DOCK10: variants seen among roughly 807,000 people sequenced by gnomAD.
DOCK10 encodes dedicator of cytokinesis protein 10.
In DOCK10, 145 loss-of-function variants were observed where a neutral mutation model predicts 280.1. The observed-to-expected ratio is 0.52, with a 90% CI of 0.45 to 0.59. The LOEUF is 0.59. Among genes scored for constraint, DOCK10 ranks in the 20% least tolerant of loss-of-function variants. The pLI is 0.00. For missense variants in DOCK10, 2,368 were observed against 2,651.7 expected (o/e 0.89, Z 2.35); for synonymous variants, 915 against 942.2 (o/e 0.97, Z 0.53).
At position 224,796,344 on chromosome 2, in the gene DOCK10, T is replaced by C. The variant is rs773097928; in HGVS notation, c.4910A>G (p.Asn1637Ser). The C allele has an allele frequency of 1.3e-6, 2 of 1,568,166 alleles. No homozygotes were observed. Among genetic ancestry groups the C allele is most frequent in the Non-Finnish European group, 1.7e-6 (2 of 1,155,168 alleles). Reference sequence around the variant, plus strand: ...CATTTGCTTATCTCCATTGGCGAAATTATTGGTAATTGCAAGCGAATGTTG... The same window carrying C: ...CATTTGCTTATCTCCATTGGCGAAACTATTGGTAATTGCAAGCGAATGTTG... ...RFQHSLAITN[N>S]FANGDKQMKN... The change falls in exon 44 of 56, where the codon AAT becomes AGT. Residue 1637 changes from asparagine to serine, a missense_variant. Transcript: ENST00000258390.
intron 3 of DOCK10, among the ~76,000 whole-genome samples, chr2:224,899,420 C>T (rs1700167732): frequency 6.6e-6 from 1 of 152,040 alleles, no homozygotes; most frequent in African/African-American, 2.4e-5. Flanking sequence ...TAGCAGTTAA[C>T]AAAAAACAAA....
intron 1 of DOCK10, among the ~76,000 whole-genome samples, chr2:225,006,273 T>C (rs1689245764): frequency 6.6e-6 from 1 of 152,224 alleles, no homozygotes; most frequent in Non-Finnish European, 1.5e-5. Flanking sequence ...ATTCTTGTCT[T>C]TTTTAGATTA....
At chr2:224,806,945 G>A (rs1693431512) in intron 33 of DOCK10, among the ~76,000 whole-genome samples, 1 of 151,994 alleles carries the variant, frequency 6.6e-6, no homozygotes, top group African/African-American at 2.4e-5. Flanking sequence ...TGCTTGCCAG[G>A]CTCTAAAATA....
intron 1 of DOCK10, among the ~76,000 whole-genome samples, chr2:225,000,479 G>C (rs1706402461): frequency 2.0e-5 from 3 of 152,196 alleles, no homozygotes; most frequent in African/African-American, 7.2e-5. Flanking sequence ...ATTGTTTTGA[G>C]CATTTCCTGT....
intron 2 of DOCK10, among the ~76,000 whole-genome samples, chr2:224,923,486 C>T (rs927984975): frequency 2.6e-5 from 4 of 152,194 alleles, no homozygotes; most frequent in Admixed American, 1.3e-4. Context: ...AATATAAAGA[C>T]ACCTACTGCA....
intron 39 of DOCK10, among the ~76,000 whole-genome samples, chr2:224,802,643 A>C (rs1346156717): frequency 2.0e-5 from 3 of 152,146 alleles, no homozygotes; most frequent in African/African-American, 7.2e-5. Context: ...TCAACACCCC[A>C]TAGCATTTCC....
chr2:224,844,865 C>A, intron 21 of DOCK10, 26 bp from the exon 22 acceptor site: 1 of 1,485,764 alleles, frequency 6.7e-7, no homozygotes, highest in Non-Finnish European at 9.3e-7. Flanking sequence ...TGTTTACTGT[C>A]ACTGGGACAA....
At chr2:224,969,174 TCAAATGGGGGTAC>T (rs1045992880) in intron 1 of DOCK10, among the ~76,000 whole-genome samples, 2 of 152,140 alleles carry the variant, frequency 1.3e-5, no homozygotes, top group African/African-American at 2.4e-5. Context: ...AGCAGTCCTC[TCAAATGGGGGTAC>T]CAGATTTCTC....
chr2:224,978,691 C>T (rs1012166532), intron 1 of DOCK10, among the ~76,000 whole-genome samples: 1 of 152,150 alleles, frequency 6.6e-6, no homozygotes, highest in Admixed American at 6.5e-5. Flanking sequence ...AGAGAAAGAT[C>T]ATTTATCAAT....
At chr2:225,022,707 G>A (rs565374618) in intron 1 of DOCK10, among the ~76,000 whole-genome samples, 272 of 152,322 alleles carry the variant, frequency 1.8e-3, no homozygotes, top group Non-Finnish European at 2.9e-3. Context: ...AGAATGCACT[G>A]TATAACTCAG....
chr2:224,931,699 C>T lies in DOCK10; in HGVS notation c.124-31G>A, dbSNP rs374945872. The T allele has an allele frequency of 1.1e-4, 176 of 1,552,670 alleles. 1 individual carries two copies. The East Asian group carries it at 3.2e-3, about 28-fold the overall frequency. On this transcript the variant is annotated intron_variant, in intron 1 of 55. Coordinates refer to ENST00000258390, the MANE Select transcript of DOCK10 (RefSeq NM_014689.3). ...GAAAAAGAAAATATGGTATTAATCA[C>T]TGACATACACCATCTCCCTTTTCTA...
At chr2:225,037,113 G>A (rs1377596301) in intron 1 of DOCK10, among the ~76,000 whole-genome samples, 1 of 152,140 alleles carries the variant, frequency 6.6e-6, no homozygotes, top group Non-Finnish European at 1.5e-5. Context: ...TGAGAGTGGG[G>A]TAAGCAATTG....
chr2:224,909,337 A>T (rs1371444543), intron 3 of DOCK10, among the ~76,000 whole-genome samples: 3 of 152,224 alleles, frequency 2.0e-5, no homozygotes, highest in African/African-American at 7.2e-5. Flanking sequence ...ACTTAAGCAG[A>T]TTCAGATAAA....
intron 31 of DOCK10, among the ~76,000 whole-genome samples, chr2:224,813,327 C>G (rs926375013): frequency 6.6e-6 from 1 of 152,136 alleles, no homozygotes; most frequent in African/African-American, 2.4e-5. Flanking sequence ...TTCTGAGAAG[C>G]TGAGGTTACA....
At chr2:224,767,467 T>C (rs148456447) in intron 55 of DOCK10, among the ~76,000 whole-genome samples, 1 of 152,310 alleles carries the variant, frequency 6.6e-6, no homozygotes, top group East Asian at 1.9e-4. Flanking sequence ...CCCGGCCTCA[T>C]GTAGTTTTTA....
intron 4 of DOCK10, among the ~76,000 whole-genome samples, chr2:224,888,702 T>C (rs1183007971): frequency 6.6e-6 from 1 of 151,066 alleles, no homozygotes; most frequent in Non-Finnish European, 1.5e-5. Context: ...TATGTATATG[T>C]GGTGTGAATA....
intron 2 of DOCK10, among the ~76,000 whole-genome samples, chr2:224,927,093 G>C (rs1702079759): frequency 6.6e-6 from 1 of 152,284 alleles, no homozygotes; most frequent in Non-Finnish European, 1.5e-5. Flanking sequence ...TGGAAGTCAG[G>C]GATGCTTCTT....
chr2:224,931,803 C>A, intron 1 of DOCK10, 135 bp from the exon 2 acceptor site: 2 of 979,946 alleles, frequency 2.0e-6, no homozygotes, highest in Non-Finnish European at 2.8e-6. Flanking sequence ...CACAGAGACT[C>A]CAGGAATTTA....
intron 7 of DOCK10, among the ~76,000 whole-genome samples, chr2:224,880,303 C>G (rs1698905893): frequency 6.6e-6 from 1 of 152,064 alleles, no homozygotes; most frequent in Non-Finnish European, 1.5e-5. Flanking sequence ...AGAAATAGAA[C>G]CATTTGCAGC....
Sources: gnomAD v4.1 joint callset for allele counts (sites outside exome capture counted in the v4.1 genomes callset) on GRCh38, gnomAD v4.1.1 for gene constraint, MANE v1.5 for transcripts, NCBI Gene and HGNC (gene_info 2026-07-23, HGNC 2026-07-21) for gene names.